The following MSRA variants were observed in gnomAD, a reference collection of about 807,000 sequenced individuals.
MSRA encodes methionine sulfoxide reductase A, also known as mitochondrial peptide methionine sulfoxide reductase.
In MSRA, 54 loss-of-function variants were observed where a neutral mutation model predicts 31.3. That is an observed-to-expected ratio of 1.73 (90% CI 1.39 to 2.17). The LOEUF is 2.17. Ranked by LOEUF, MSRA falls within the 30% of genes most tolerant of loss-of-function variation. The pLI, the probability that MSRA is intolerant of heterozygous loss-of-function variation, is 0.00. For synonymous variants in MSRA, 169 were observed against 116.5 expected (o/e 1.45, Z -2.90); for missense variants, 507 against 300.9 (o/e 1.69, Z -5.07).
intron 3 of MSRA, among the ~76,000 whole-genome samples, chr8:10,278,709 C>G (rs1035910519): frequency 6.6e-6 from 1 of 152,216 alleles, no homozygotes; most frequent in African/African-American, 2.4e-5. Flanking sequence ...CTCTACCTCC[C>G]TGTGGTGACA....
chr8:10,081,492 T>A (rs1402349391), intron 1 of MSRA, among the ~76,000 whole-genome samples: 2 of 152,170 alleles, frequency 1.3e-5, no homozygotes, highest in African/African-American at 4.8e-5. Flanking sequence ...AATTGACTCC[T>A]TTTCATTTAT....
At chr8:10,229,656 C>T (rs1056262197) in intron 2 of MSRA, among the ~76,000 whole-genome samples, 4 of 152,048 alleles carry the variant, frequency 2.6e-5, no homozygotes, top group African/African-American at 9.7e-5. Context: ...TAGATGAAAT[C>T]CCCTCAGTGA....
chr8:10,072,587 G>C (rs914171454), intron 1 of MSRA, among the ~76,000 whole-genome samples: 2 of 152,066 alleles, frequency 1.3e-5, no homozygotes, highest in African/African-American at 4.8e-5. Context: ...CTGTTCTAAG[G>C]TCTGTCCCAC....
At chr8:10,342,970 A>G (rs1803525477) in intron 5 of MSRA, among the ~76,000 whole-genome samples, 1 of 151,768 alleles carries the variant, frequency 6.6e-6, no homozygotes, top group Non-Finnish European at 1.5e-5. Context: ...CTTGCTGGGA[A>G]AATTAAATGA....
chr8:10,252,008 A>G (rs1445897020), intron 3 of MSRA, among the ~76,000 whole-genome samples: 1 of 152,162 alleles, frequency 6.6e-6, no homozygotes, highest in African/African-American at 2.4e-5. Context: ...TCCAGAGGTA[A>G]TGATGTTTGA....
chr8:10,163,429 C>T (rs1354157428), intron 1 of MSRA, among the ~76,000 whole-genome samples: 2 of 152,222 alleles, frequency 1.3e-5, no homozygotes, highest in African/African-American at 4.8e-5. Context: ...GGCGCACCCA[C>T]TGTTAATCAG....
At chr8:10,396,101 G>C (rs1388364810) in intron 5 of MSRA, among the ~76,000 whole-genome samples, 1 of 152,118 alleles carries the variant, frequency 6.6e-6, no homozygotes, top group Non-Finnish European at 1.5e-5. Context: ...TCTCAGGCCT[G>C]ATCCCCCTCC....
chr8:10,303,757 G>C (rs1800975041), intron 4 of MSRA, among the ~76,000 whole-genome samples: 1 of 152,158 alleles, frequency 6.6e-6, no homozygotes. Flanking sequence ...GTTAAGGGTA[G>C]GGCGAGAGAT....
intron 5 of MSRA, among the ~76,000 whole-genome samples, chr8:10,404,881 A>G (rs762498600): frequency 7.2e-5 from 11 of 152,036 alleles, no homozygotes; most frequent in Non-Finnish European, 1.3e-4. Flanking sequence ...TCTCCTTGCT[A>G]GTGTGTGTGG....
In MSRA at chr8:10,402,765, T is replaced by C. The variant is rs115163438; in HGVS notation, c.544-25383T>C. Reference sequence around the variant, plus strand: ...TCAAAAGTATAGTGCAGTGATACTTTTGCATAGTATTTGCAGTTATTTGCT... The same window carrying C: ...TCAAAAGTATAGTGCAGTGATACTTCTGCATAGTATTTGCAGTTATTTGCT... On this transcript the variant is annotated intron_variant, in intron 5 of 5. Transcript: ENST00000317173. 1.8e-3 allele frequency among the ~76,000 whole-genome samples: 281 copies of C among 152,346 alleles called. 5 individuals carry two copies. The highest frequency in any genetic ancestry group is 6.2e-3 in the African/African-American group (258 of 41,570).
intron 4 of MSRA, among the ~76,000 whole-genome samples, chr8:10,307,065 C>T (rs577579698): frequency 7.9e-5 from 12 of 152,176 alleles, no homozygotes; most frequent in Admixed American, 2.6e-4. Flanking sequence ...ATGTTAGTGG[C>T]GGTATTTGGA....
At position 10,358,750 on chromosome 8, in the gene MSRA, G is replaced by T. The variant is rs535938338; in HGVS notation, c.543+38761G>T. On this transcript the variant is annotated intron_variant, in intron 5 of 5. Transcript: ENST00000317173. ...TGGGACTACAGGCGCCCGCCACTACGCCCGGCTAATTTTTTGTATTTTTAG... is the reference window on the plus strand; with the variant it reads ...TGGGACTACAGGCGCCCGCCACTACTCCCGGCTAATTTTTTGTATTTTTAG... Among the ~76,000 whole-genome samples, 34 of 149,694 alleles carry T rather than the reference G, an allele frequency of 2.3e-4. No homozygotes were observed. In the East Asian group the frequency reaches 2.9e-3, roughly 13 times the overall value.
chr8:10,175,622 G>A (rs548508853), intron 1 of MSRA, among the ~76,000 whole-genome samples: 17 of 152,306 alleles, frequency 1.1e-4, no homozygotes, highest in African/African-American at 4.1e-4. Context: ...CATTTATACT[G>A]ACAGCCCCTA....
chr8:10,102,288 A>G (rs1179357011), intron 1 of MSRA, among the ~76,000 whole-genome samples: 3 of 152,194 alleles, frequency 2.0e-5, no homozygotes, highest in African/African-American at 4.8e-5. Context: ...AAACTTTGTT[A>G]TAGTTCTACC....
chr8:10,118,175 G>A (rs1223204734), intron 1 of MSRA, among the ~76,000 whole-genome samples: 1 of 152,194 alleles, frequency 6.6e-6, no homozygotes, highest in Non-Finnish European at 1.5e-5. Context: ...TCATGTTGGA[G>A]TAATGTTTTT....
At chr8:10,176,229 T>G (rs1806037388) in intron 1 of MSRA, among the ~76,000 whole-genome samples, 18 of 152,238 alleles carry the variant, frequency 1.2e-4, no homozygotes, top group Admixed American at 1.2e-3. Flanking sequence ...AACTGAAGTT[T>G]CAGGAGAGCC....
chr8:10,083,747 T>A (rs1798408193), intron 1 of MSRA, among the ~76,000 whole-genome samples: 1 of 152,228 alleles, frequency 6.6e-6, no homozygotes, highest in Admixed American at 6.5e-5. Context: ...ACAGTGATTT[T>A]TGAAGATTTA....
chr8:10,423,584 G>A (rs542813968), intron 5 of MSRA, among the ~76,000 whole-genome samples: 4 of 152,124 alleles, frequency 2.6e-5, no homozygotes, highest in South Asian at 2.1e-4. Flanking sequence ...ATCTCCCCCT[G>A]CTCCTGCACC....
At chr8:10,349,714 A>G (rs1274560959) in intron 5 of MSRA, among the ~76,000 whole-genome samples, 1 of 152,218 alleles carries the variant, frequency 6.6e-6, no homozygotes, top group Admixed American at 6.5e-5. Flanking sequence ...AGAAATATTT[A>G]TTTAATGAAA....
Sources: allele counts gnomAD v4.1 joint callset (sites outside exome capture counted in the v4.1 genomes callset), GRCh38; gene constraint gnomAD v4.1.1; transcripts MANE v1.5; gene names NCBI Gene and HGNC (gene_info 2026-07-23, HGNC 2026-07-21).